AGXT: variants seen among roughly 807,000 people sequenced by gnomAD.
AGXT encodes L-alanine: glyoxylate aminotransferase 1.
AGXT carries 41 observed loss-of-function variants against 46.9 expected under a neutral mutation model. The observed-to-expected ratio is 0.88, with a 90% confidence interval of 0.68 to 1.14. The LOEUF is 1.14. AGXT is among the 50% of genes most tolerant of loss of function. The pLI, the probability that AGXT is intolerant of heterozygous loss-of-function variation, is 0.00. For missense variants in AGXT, 525 were observed against 522.7 expected (o/e 1.00, Z -0.04); for synonymous variants, 244 against 227.9 (o/e 1.07, Z -0.64).
intron 8 of AGXT, among the ~76,000 whole-genome samples, chr2:240,876,547 G>A (rs888434170): frequency 1.3e-5 from 2 of 152,310 alleles, no homozygotes; most frequent in South Asian, 2.1e-4. Context: ...TGCAGGCCAC[G>A]AGACAGGAAG....
At position 240,871,379 on chromosome 2, in the gene AGXT, T is replaced by A. The variant is rs121908524; in HGVS notation, c.454T>A (p.Phe152Ile). Residue 152 changes from phenylalanine to isoleucine, a missense_variant, in exon 4 of 11, where the codon TTC becomes ATC. Phe to Ile is a conservative substitution (Grantham distance 21). Transcript: ENST00000307503. ...GGCCCAGCACAAGCCAGTGCTGCTG[T>A]TCTTAACCCACGGGGAGTCGTCCAC... is the stretch of plus-strand genomic sequence containing the variant. ...GLAQHKPVLL[F>I]LTHGESSTGV... is the part of the protein sequence containing the mutation. 171 of 1,597,214 alleles carry A rather than the reference T, an allele frequency of 1.1e-4. No homozygotes were observed. Among genetic ancestry groups the A allele is most frequent in the Non-Finnish European group, 1.4e-4 (163 of 1,172,600 alleles).
chr2:240,875,596 G>A (rs977473139), intron 7 of AGXT, among the ~76,000 whole-genome samples: 9 of 152,246 alleles, frequency 5.9e-5, no homozygotes, highest in South Asian at 2.1e-4. Flanking sequence ...GGAACAAGGC[G>A]CCAGGAATGG....
At chr2:240,870,016 G>C (rs775005323) in intron 2 of AGXT, among the ~76,000 whole-genome samples, 7 of 152,180 alleles carry the variant, frequency 4.6e-5, no homozygotes, top group Non-Finnish European at 8.8e-5. Flanking sequence ...GGTCGGCAGA[G>C]GCCAGGACCC....
At chr2:240,874,721 T>C (rs561271150) in intron 6 of AGXT, among the ~76,000 whole-genome samples, 37 of 152,310 alleles carry the variant, frequency 2.4e-4, no homozygotes, top group Non-Finnish European at 4.6e-4. Flanking sequence ...CATCTGGAGT[T>C]GTAGAGACGG....
intron 10 of AGXT, 111 bp downstream of exon 10, chr2:240,878,261 T>C (rs142787674): frequency 7.1e-5 from 106 of 1,488,254 alleles, no homozygotes; most frequent in Middle Eastern, 1.9e-4. Context: ...AAAGCCCAGA[T>C]TGCAGGAGCG....
chr2:240,875,256 G>A (rs1449803510), intron 7 of AGXT, 52 bp downstream of exon 7: 8 of 1,471,856 alleles, frequency 5.4e-6, no homozygotes, highest in East Asian at 4.5e-5. Flanking sequence ...TGGCTGAGAG[G>A]TGGGGCGCTG....
In AGXT at chr2:240,873,866, G is replaced by A. The variant is rs1485120807; in HGVS notation, c.596-112G>A. 5 of 967,034 alleles carry A rather than the reference G, an allele frequency of 5.2e-6. No individual in the cohort carries two copies. In the East Asian group the frequency reaches 7.2e-5, roughly 14 times the overall value. The allele number at this position is 967,034 out of a possible 1,614,324, so 59.9% of individuals were successfully genotyped here. ...CCACATCTCCCCTGCTATCGTGTAC[G>A]GATTCGTGGTAGGGTCGTAGCCTAC... On this transcript the variant is annotated intron_variant, in intron 5 of 10. Coordinates refer to ENST00000307503, the MANE Select transcript of AGXT (RefSeq NM_000030.3).
intron 7 of AGXT, 90 bp downstream of exon 7, chr2:240,875,294 A>C (rs1207688591): frequency 2.7e-5 from 31 of 1,149,062 alleles, no homozygotes; most frequent in Non-Finnish European, 3.6e-5. Flanking sequence ...GGGATTCTCC[A>C]AGCCCCCCAC....
chr2:240,869,108 C>T lies in AGXT; in HGVS notation c.166-62C>T, dbSNP rs1457767927. ...CAGATCGTGGACGAGGGAAGGGGGT[C>T]ACTGCCTCCTCACTTGGGGAGGCGG... On this transcript the variant is annotated intron_variant, in intron 1 of 10. Transcript: ENST00000307503. 6.3e-5 allele frequency: 101 copies of T among 1,609,724 alleles called. 1 individual carries two copies. Among genetic ancestry groups the T allele is most frequent in the Non-Finnish European group, 8.1e-5 (95 of 1,178,866 alleles).
intron 9 of AGXT, 52 bp from the exon 10 acceptor site, chr2:240,877,970 A>G (rs2059036864): frequency 6.9e-6 from 11 of 1,600,976 alleles, no homozygotes; most frequent in Middle Eastern, 1.8e-4. Flanking sequence ...AGCTGTCACA[A>G]AGGCCCGTAC....
At position 240,880,352 on chromosome 2, in the gene AGXT, G is replaced by A. The variant is rs1253371599; in HGVS notation, c.*1531G>A. On this transcript the variant is annotated 3_prime_UTR_variant, in exon 11 of 11. Coordinates refer to ENST00000307503, the MANE Select transcript of AGXT (RefSeq NM_000030.3). ...TGGTTTTAGTTTGCATTTCCCTGAT[G>A]CCTATTGATGTTGAGCAACTTCTCA... is the stretch of plus-strand genomic sequence containing the variant. 2 of 152,048 alleles carry A rather than the reference G, an allele frequency of 1.3e-5. No homozygotes were observed. The highest frequency in any genetic ancestry group is 2.9e-5 in the Non-Finnish European group (2 of 68,010). The allele number at this position is 152,048 out of a possible 1,614,324, so 9.4% of individuals were successfully genotyped here.
At chr2:240,869,680 G>A (rs557113524) in intron 2 of AGXT, among the ~76,000 whole-genome samples, 12 of 152,060 alleles carry the variant, frequency 7.9e-5, no homozygotes, top group East Asian at 3.9e-4. Flanking sequence ...AGCCCCGGCC[G>A]CTGTCCAGGG....
chr2:240,870,468 A>C (rs1228003646), intron 2 of AGXT, among the ~76,000 whole-genome samples, 176 bp from the exon 3 acceptor site: 1 of 152,140 alleles, frequency 6.6e-6, no homozygotes, highest in Non-Finnish European at 1.5e-5. Flanking sequence ...CTGGCTCTAC[A>C]CACAGAGAGG....
intron 4 of AGXT, among the ~76,000 whole-genome samples, chr2:240,872,360 C>CGTGAACATGCAGGA (rs2058996321): frequency 2.3e-5 from 1 of 44,328 alleles, no homozygotes; most frequent in African/African-American, 9.5e-5. Context: ...AACATGCAGG[C>CGTGAACATGCAGGA]GGAGGAGGGT....
At chr2:240,877,259 T>A in intron 8 of AGXT, 1 of 619,366 alleles carries the variant, frequency 1.6e-6, no homozygotes. Context: ...CCCAGTCCCC[T>A]CCCCCTGCAA....
At position 240,879,698 on chromosome 2, in the gene AGXT, T is replaced by A. The variant is rs186712500; in HGVS notation, c.*877T>A. On this transcript the variant is annotated 3_prime_UTR_variant, in exon 11 of 11. Transcript: ENST00000307503. The stretch of plus-strand genomic sequence containing the variant: ...CTAATTTTTGTATTTTTAGTACAGA[T>A]GGGGTTTCACTATATTGGCCAGGCT... 6.3e-3 allele frequency: 952 copies of A among 152,276 alleles called. 7 individuals are homozygous for A. The highest frequency in any genetic ancestry group is 8.7e-3 in the Non-Finnish European group (591 of 68,058). 9.4% of individuals were successfully genotyped at this position (152,276 alleles called of 1,614,324 possible).
At position 240,868,969 on chromosome 2, in the gene AGXT, C is replaced by A. The variant is rs779013628; in HGVS notation, c.104C>A (p.Pro35His). Residue 35 changes from proline to histidine, a missense_variant, in exon 1 of 11, where the codon CCT becomes CAT. Transcript: ENST00000307503. ...LLGPGPSNLP[P>H]RIMAAGGLQM... ...GGGCCTGGTCCTTCCAACCTGCCTC[C>A]TCGCATCATGGCAGCCGGGGGGCTG... 7.5e-6 allele frequency: 12 copies of A among 1,591,686 alleles called. No homozygotes were observed. The highest frequency in any genetic ancestry group is 1.0e-5 in the Non-Finnish European group (12 of 1,168,462).
Position 240,875,958 on chromosome 2 carries a change from T to C in AGXT, c.800T>C (p.Ile267Thr), listed in dbSNP as rs1481122969. The C allele has an allele frequency of 6.2e-7, 1 of 1,614,186 alleles. No individual in the cohort carries two copies. The highest frequency in any genetic ancestry group is 8.5e-7 in the Non-Finnish European group (1 of 1,180,026). The part of the protein sequence containing the change: ...PRMYHHTIPV[I>T]SLYSLRESLA... ...AGGTACCATCACACAATCCCCGTCA[T>C]CAGCCTGTACAGCCTGAGAGAGAGC... Residue 267 changes from isoleucine (I) to threonine (T), a missense_variant, in exon 8 of 11, where the codon ATC becomes ACC. Coordinates refer to ENST00000307503, the MANE Select transcript of AGXT (RefSeq NM_000030.3).
intron 6 of AGXT, 58 bp from the exon 7 acceptor site, chr2:240,875,051 G>T (rs1000432890): frequency 7.6e-6 from 11 of 1,450,168 alleles, no homozygotes; most frequent in African/African-American, 5.6e-5. Context: ...CAGCGAGACT[G>T]CCCTGGCCTT....
Sources: allele counts gnomAD v4.1 joint callset (sites outside exome capture counted in the v4.1 genomes callset), GRCh38; gene constraint gnomAD v4.1.1; transcripts MANE v1.5; gene names NCBI Gene and HGNC (gene_info 2026-07-23, HGNC 2026-07-21).